CDH23: variants seen among roughly 807,000 people sequenced by gnomAD.
CDH23 encodes the protein cadherin-23.
In CDH23, 189 loss-of-function variants were observed where a neutral mutation model predicts 317.1. That is an observed-to-expected ratio of 0.60 (90% CI 0.53 to 0.67). The LOEUF is 0.67. Among genes scored for constraint, CDH23 ranks in the 30% least tolerant of loss-of-function variants. CDH23 has a pLI of 0.00. For synonymous variants in CDH23, 1,839 were observed against 1,876.8 expected, an observed-to-expected ratio of 0.98 and a Z score of 0.52; for missense variants, 4,401 against 4,592.4, an observed-to-expected ratio of 0.96 and a Z score of 1.20.
intron 36 of CDH23, 77 bp downstream of exon 36, chr10:71,739,849 G>C (rs1338870338): frequency 2.7e-6 from 4 of 1,482,456 alleles, no homozygotes; most frequent in Non-Finnish European, 3.6e-6. Context: ...ATCCAGGAGA[G>C]AGCCTGTCCA....
chr10:71,447,100 A>G (rs576662204), intron 3 of CDH23, among the ~76,000 whole-genome samples: 2 of 152,022 alleles, frequency 1.3e-5, no homozygotes, highest in African/African-American at 2.4e-5. Flanking sequence ...GTGTCACTTT[A>G]GGGAAAGTGC....
chr10:71,647,941 C>G (rs933240002), intron 14 of CDH23: 1 of 152,202 alleles, frequency 6.6e-6, no homozygotes, highest in Non-Finnish European at 1.5e-5. Context: ...CTGGGGCTCC[C>G]AGAGTCCTTG....
intron 3 of CDH23, among the ~76,000 whole-genome samples, chr10:71,458,551 A>G (rs1850812444): frequency 6.6e-6 from 1 of 152,238 alleles, no homozygotes; most frequent in South Asian, 2.1e-4. Flanking sequence ...CAAATGGTGG[A>G]CATTGTTTTT....
chr10:71,508,123 CA>C (rs1459717191), intron 3 of CDH23: 3 of 152,188 alleles, frequency 2.0e-5, no homozygotes, highest in Non-Finnish European at 4.4e-5. Context: ...TCCTAATCTG[CA>C]AAATGGATAG....
chr10:71,589,845 T>C (rs1859348567), intron 9 of CDH23, among the ~76,000 whole-genome samples: 1 of 152,234 alleles, frequency 6.6e-6, no homozygotes, highest in Admixed American at 6.5e-5. Context: ...CTACCACTTC[T>C]TGGATGTGTG....
intron 14 of CDH23, among the ~76,000 whole-genome samples, chr10:71,650,215 G>A (rs968967162): frequency 3.3e-5 from 5 of 152,256 alleles, no homozygotes; most frequent in Admixed American, 6.5e-5. Context: ...CTGCTCCAGG[G>A]ACAGAGCTGT....
At chr10:71,540,236 C>T (rs920527537) in intron 6 of CDH23, among the ~76,000 whole-genome samples, 2 of 152,260 alleles carry the variant, frequency 1.3e-5, no homozygotes, top group East Asian at 3.9e-4. Flanking sequence ...TGGGTCTGCA[C>T]TAGGGAACCC....
chr10:71,808,605 C>G (rs1841815415), intron 60 of CDH23, among the ~76,000 whole-genome samples: 1 of 152,214 alleles, frequency 6.6e-6, no homozygotes. Context: ...GGGTCAGGCT[C>G]TAGAAGATGC....
intron 6 of CDH23, among the ~76,000 whole-genome samples, chr10:71,556,903 T>C (rs1856902075): frequency 6.6e-6 from 1 of 152,206 alleles, no homozygotes. Context: ...GAATTTCACT[T>C]TTACACCATC....
At chr10:71,484,503 T>A (rs1852237795) in intron 3 of CDH23, among the ~76,000 whole-genome samples, 1 of 152,184 alleles carries the variant, frequency 6.6e-6, no homozygotes, top group Non-Finnish European at 1.5e-5. Context: ...TGGCACTCCC[T>A]GGGCCCCGGC....
At chr10:71,482,781 G>C (rs575011249) in intron 3 of CDH23, among the ~76,000 whole-genome samples, 1 of 152,326 alleles carries the variant, frequency 6.6e-6, no homozygotes, top group African/African-American at 2.4e-5. Context: ...GGAAGCAGAG[G>C]GATTAGGTGG....
intron 38 of CDH23, chr10:71,749,843 T>TC (rs1241846754): frequency 6.6e-6 from 1 of 151,492 alleles, no homozygotes; most frequent in Non-Finnish European, 1.5e-5. Flanking sequence ...GCGAACATCT[T>TC]CCCGCCTAGC....
chr10:71,400,726 A>C (rs996554007), intron 1 of CDH23, among the ~76,000 whole-genome samples: 9 of 152,030 alleles, frequency 5.9e-5, no homozygotes, highest in African/African-American at 2.4e-5. Flanking sequence ...TTGAACCTGG[A>C]CCATGGAGGT....
Position 71,509,416 on chromosome 10 carries a change from T to G in CDH23, c.146-666T>G, listed in dbSNP as rs112508297. Among the ~76,000 whole-genome samples, 963 of 152,350 alleles carry G rather than the reference T, an allele frequency of 6.3e-3. 12 individuals are homozygous for G. The highest frequency in any genetic ancestry group is 0.022 in the African/African-American group (909 of 41,576). On this transcript the variant is annotated intron_variant, in intron 3 of 69. Coordinates refer to ENST00000224721, the MANE Select transcript of CDH23 (RefSeq NM_022124.6). ...AGGATGGAGCTAATGTCAGCAGAGC[T>G]GGTGACAGACCCTCAGAAAGCCATC...
intron 27 of CDH23, 137 bp from the exon 28 acceptor site, chr10:71,712,527 TC>T (rs1287092489): frequency 1.2e-6 from 1 of 825,682 alleles, no homozygotes; most frequent in Non-Finnish European, 1.9e-6. Flanking sequence ...AAAAAGGAAG[TC>T]ACCCCTTGCA....
chr10:71,807,674 C>T lies in CDH23; in HGVS notation c.8467C>T (p.Leu2823=). 1 of 1,613,886 alleles carries T rather than the reference C, an allele frequency of 6.2e-7. No individual in the cohort carries two copies. The highest frequency in any genetic ancestry group is 1.3e-5 in the African/African-American group (1 of 75,058). ...CCGTGGACCCTCCCCAACCCTCGACCTGGTTGCTGACCTCACACTGCAGGA... is the reference window on the plus strand; with the variant it reads ...CCGTGGACCCTCCCCAACCCTCGACTTGGTTGCTGACCTCACACTGCAGGA... The part of the protein sequence containing the change: ...PPRGPSPTLD[L]VADLTLQEVR... The change falls in exon 59 of 70, where the codon CTG becomes TTG. Residue 2823 remains leucine, a synonymous_variant. Coordinates refer to ENST00000224721, the MANE Select transcript of CDH23 (RefSeq NM_022124.6).
At chr10:71,773,240 G>A in intron 38 of CDH23, 1 of 1,179,494 alleles carries the variant, frequency 8.5e-7, no homozygotes, top group Non-Finnish European at 1.2e-6. Flanking sequence ...TGGGTGGAGT[G>A]GGGTGCACGG....
At chr10:71,533,525 C>CCACACACACACACACACACACACACA (rs55659529) in intron 6 of CDH23, among the ~76,000 whole-genome samples, 3 of 130,824 alleles carry the variant, frequency 2.3e-5, no homozygotes, top group East Asian at 2.2e-4. Context: ...TGGCTGGACA[C>CCACACACACACACACACACACACACA]CACACACACA....
intron 9 of CDH23, among the ~76,000 whole-genome samples, chr10:71,611,409 T>C (rs1173271460): frequency 1.3e-5 from 2 of 152,034 alleles, no homozygotes; most frequent in Admixed American, 6.6e-5. Context: ...GGCAAAAGTG[T>C]GGGGTTGGCT....
Sources: gnomAD v4.1 joint callset for allele counts (sites outside exome capture counted in the v4.1 genomes callset) on GRCh38, gnomAD v4.1.1 for gene constraint, MANE v1.5 for transcripts, NCBI Gene and HGNC (gene_info 2026-07-23, HGNC 2026-07-21) for gene names.